Variants in STK3 observed in about 807,000 individuals in gnomAD.
The protein encoded by STK3 is serine/threonine-protein kinase 3.
A neutral mutation model predicts 58.0 loss-of-function variants in STK3; 41 were observed. The ratio of observed to expected loss-of-function variants is 0.71; its 90% CI spans 0.55 to 0.92. The LOEUF is 0.92. Ranked by LOEUF, STK3 falls within the 40% of genes least tolerant of loss-of-function variation. The pLI, the probability that STK3 is intolerant of heterozygous loss-of-function variation, is 0.00. For missense variants in STK3, 479 were observed against 602.7 expected (o/e 0.79, Z 2.15); for synonymous variants, 170 against 191.0 (o/e 0.89, Z 0.91).
At chr8:98,530,089 A>C (rs1465622924) in intron 9 of STK3, among the ~76,000 whole-genome samples, 1 of 152,148 alleles carries the variant, frequency 6.6e-6, no homozygotes, top group East Asian at 1.9e-4. Flanking sequence ...AAGTCACATA[A>C]ATTTTTTGGT....
At chr8:98,514,139 T>A (rs1258502533) in intron 10 of STK3, among the ~76,000 whole-genome samples, 1 of 152,026 alleles carries the variant, frequency 6.6e-6, no homozygotes, top group Non-Finnish European at 1.5e-5. Flanking sequence ...GAATTAGACC[T>A]AGGAGGGGAG....
intron 6 of STK3, among the ~76,000 whole-genome samples, chr8:98,613,685 T>C (rs906088243): frequency 6.6e-6 from 1 of 152,034 alleles, no homozygotes; most frequent in East Asian, 1.9e-4. Flanking sequence ...TGCAAAACTT[T>C]AGCCATAACA....
intron 6 of STK3, among the ~76,000 whole-genome samples, chr8:98,682,154 C>T (rs182553763): frequency 6.6e-6 from 1 of 152,266 alleles, no homozygotes; most frequent in African/African-American, 2.4e-5. Context: ...GTTCAAGAAG[C>T]TTGTGAAGTT....
chr8:98,747,186 T>C (rs1215055839), intron 4 of STK3, among the ~76,000 whole-genome samples: 1 of 121,268 alleles, frequency 8.2e-6, no homozygotes, highest in Admixed American at 8.1e-5. Context: ...CAGAAAGAAA[T>C]AAAGAACAAT....
At chr8:98,774,640 A>G (rs1831540635) in intron 2 of STK3, 99 bp downstream of exon 2, 3 of 807,844 alleles carry the variant, frequency 3.7e-6, no homozygotes, top group Non-Finnish European at 5.6e-6. Context: ...AATACTATTC[A>G]ATTCATACGA....
At chr8:98,874,494 A>C (rs1412597640) in intron 3 of STK3, among the ~76,000 whole-genome samples, 2 of 152,176 alleles carry the variant, frequency 1.3e-5, no homozygotes, top group African/African-American at 4.8e-5. Flanking sequence ...GCCACAGGAA[A>C]CTAATACACC....
intron 3 of STK3, among the ~76,000 whole-genome samples, chr8:98,766,822 A>C (rs535158302): frequency 6.6e-6 from 1 of 152,292 alleles, no homozygotes; most frequent in South Asian, 2.1e-4. Flanking sequence ...TTCCAATGGG[A>C]AGTCAGAAAT....
intron 6 of STK3, among the ~76,000 whole-genome samples, chr8:98,681,653 A>G (rs1823653471): frequency 6.6e-6 from 1 of 152,224 alleles, no homozygotes; most frequent in Admixed American, 6.5e-5. Context: ...CAAACTATAC[A>G]GTAATGAAAT....
At chr8:98,352,188 C>T in the STK3 span, among the ~76,000 whole-genome samples, 2 of 147,252 alleles carry the variant, frequency 1.4e-5, no homozygotes, top group African/African-American at 2.5e-5. Context: ...AAGGCCTCAA[C>T]AGCCAAATTG....
intron 6 of STK3, among the ~76,000 whole-genome samples, chr8:98,662,033 T>G (rs1822003498): frequency 6.6e-6 from 1 of 152,150 alleles, no homozygotes; most frequent in South Asian, 2.1e-4. Flanking sequence ...GATTGTTTCC[T>G]TACTCCTATT....
intron 1 of STK3, among the ~76,000 whole-genome samples, chr8:98,900,514 G>A (rs1006723590): frequency 2.6e-5 from 4 of 152,020 alleles, no homozygotes; most frequent in Non-Finnish European, 5.9e-5. Context: ...GCTTTAGTGA[G>A]GTATAAGTGA....
At chr8:98,633,500 T>G (rs886589226) in intron 6 of STK3, 14 of 646,972 alleles carry the variant, frequency 2.2e-5, no homozygotes, top group Non-Finnish European at 3.7e-5. Flanking sequence ...GGCGGTGGCG[T>G]TGGCTTTGCC....
intron 6 of STK3, among the ~76,000 whole-genome samples, chr8:98,603,656 A>G (rs554715188): frequency 6.6e-6 from 1 of 152,258 alleles, no homozygotes; most frequent in South Asian, 2.1e-4. Flanking sequence ...TTAATGATCA[A>G]TTCAGGCAAG....
At chr8:98,825,408 G>A in intron 1 of STK3, 107 bp downstream of exon 1, 1 of 1,088,050 alleles carries the variant, frequency 9.2e-7, no homozygotes, top group Non-Finnish European at 1.2e-6. Context: ...GCCCGGCTCG[G>A]GGCCCGGCGG....
chr8:98,383,223 T>C (rs1392679992), intron 1 of STK3, among the ~76,000 whole-genome samples: 1 of 152,180 alleles, frequency 6.6e-6, no homozygotes, highest in African/African-American at 2.4e-5. Flanking sequence ...TTCTTTTCAT[T>C]GTCATTCTAC....
chr8:98,860,331 G>A (rs1055879879), intron 3 of STK3, among the ~76,000 whole-genome samples: 13 of 152,304 alleles, frequency 8.5e-5, no homozygotes, highest in Non-Finnish European at 1.3e-4. Flanking sequence ...GAGAGGTGAC[G>A]TCTGATACCT....
At chr8:98,939,835 TG>T in intron 1 of STK3, among the ~76,000 whole-genome samples, 1 of 152,376 alleles carries the variant, frequency 6.6e-6, no homozygotes, top group East Asian at 1.9e-4. Flanking sequence ...AGTCCCGCCC[TG>T]GGCGGTTGGG....
upstream of STK3, among the ~76,000 whole-genome samples, chr8:98,389,319 G>A (rs2131010514): frequency 6.6e-6 from 1 of 152,242 alleles, no homozygotes; most frequent in Non-Finnish European, 1.5e-5. Context: ...ACATTTCTGG[G>A]TAAATTCTCT....
At chr8:98,496,042 T>A (rs548225227) in intron 10 of STK3, among the ~76,000 whole-genome samples, 1 of 152,188 alleles carries the variant, frequency 6.6e-6, no homozygotes, top group Non-Finnish European at 1.5e-5. Context: ...AATCACAGTA[T>A]TTATAATGCT....
Sources: allele counts gnomAD v4.1 joint callset (sites outside exome capture counted in the v4.1 genomes callset), GRCh38; gene constraint gnomAD v4.1.1; transcripts MANE v1.5; gene names NCBI Gene and HGNC (gene_info 2026-07-23, HGNC 2026-07-21).